Variants in ADGRV1 observed in about 807,000 individuals in gnomAD.
ADGRV1 encodes adhesion G protein-coupled receptor V1.
ADGRV1 carries 359 observed loss-of-function variants against 596.2 expected under a neutral mutation model. That is an observed-to-expected ratio of 0.60 (90% confidence interval 0.55 to 0.66). The LOEUF (loss-of-function observed/expected upper bound fraction) is 0.66, where lower values mean the gene tolerates loss of function less well. Among genes scored for constraint, ADGRV1 ranks in the 30% least tolerant of loss-of-function variants. The pLI, the probability that ADGRV1 is intolerant of heterozygous loss-of-function variation, is 0.00. For synonymous variants in ADGRV1, 2,681 were observed against 2,679.2 expected (o/e 1.00, Z -0.02); for missense variants, 7,274 against 7,575.6 (o/e 0.96, Z 1.48).
At chr5:91,031,612 A>T (rs1784488191) in intron 85 of ADGRV1, among the ~76,000 whole-genome samples, 1 of 152,164 alleles carries the variant, frequency 6.6e-6, no homozygotes, top group Admixed American at 6.5e-5. Flanking sequence ...TTTAGAAAAT[A>T]GTTTATAATC....
At position 90,810,817 on chromosome 5, in the gene ADGRV1, C is replaced by T; in HGVS notation, c.15557C>T (p.Ser5186Phe). ...ATTGTTACTGAGGCAACTGGTGTATCTGCCATCCCTGAGAAACTTGTCACC... is the reference window on the plus strand; with the variant it reads ...ATTGTTACTGAGGCAACTGGTGTATTTGCCATCCCTGAGAAACTTGTCACC... ...VAIVTEATGV[S>F]AIPEKLVTLH... is the part of the protein sequence containing the mutation. Residue 5186 changes from serine (S) to phenylalanine (F), a missense_variant, in exon 74 of 90, where the codon TCT (serine) becomes TTT (phenylalanine). Around this residue, in one of 5 missense-constraint regions of ADGRV1, gnomAD observed 1,874 missense variants for 1,970.2 expected, o/e 0.95. Transcript: ENST00000405460. The T allele has an allele frequency of 6.2e-7, 1 of 1,614,052 alleles. No homozygotes were observed. Among genetic ancestry groups the T allele is most frequent in the Non-Finnish European group, 8.5e-7 (1 of 1,179,902 alleles).
intron 83 of ADGRV1, among the ~76,000 whole-genome samples, chr5:90,930,435 A>G (rs1306241668): frequency 6.6e-6 from 1 of 152,248 alleles, no homozygotes; most frequent in Non-Finnish European, 1.5e-5. Flanking sequence ...TCTAAAATTC[A>G]TAACGACCAA....
intron 32 of ADGRV1, 105 bp downstream of exon 32, chr5:90,692,891 A>T (rs939757660): frequency 3.5e-5 from 28 of 793,058 alleles, no homozygotes; most frequent in African/African-American, 3.5e-4. Context: ...GGTTTTTTCT[A>T]TGCCATAAAT....
At chr5:90,951,744 A>G (rs1016875495) in intron 83 of ADGRV1, among the ~76,000 whole-genome samples, 3 of 152,190 alleles carry the variant, frequency 2.0e-5, no homozygotes, top group Admixed American at 1.3e-4. Flanking sequence ...TTCAACAACT[A>G]TATAGTAATT....
intron 85 of ADGRV1, among the ~76,000 whole-genome samples, chr5:91,048,187 A>G (rs1315302555): frequency 6.6e-6 from 1 of 152,246 alleles, no homozygotes; most frequent in Non-Finnish European, 1.5e-5. Flanking sequence ...TGGTACTGTC[A>G]TAAGTTGGCT....
At chr5:91,119,885 G>A (rs901752377) in intron 87 of ADGRV1, among the ~76,000 whole-genome samples, 1 of 152,200 alleles carries the variant, frequency 6.6e-6, no homozygotes, top group Non-Finnish European at 1.5e-5. Flanking sequence ...CAGAAGGACA[G>A]CAGAGACTGC....
intron 27 of ADGRV1, among the ~76,000 whole-genome samples, chr5:90,682,117 TG>T (rs1236386827): frequency 1.3e-5 from 2 of 152,126 alleles, no homozygotes; most frequent in Non-Finnish European, 2.9e-5. Context: ...CCACCCGCCT[TG>T]GCCTCTCAAA....
chr5:91,046,112 A>G (rs1785783138), intron 85 of ADGRV1, among the ~76,000 whole-genome samples: 1 of 152,140 alleles, frequency 6.6e-6, no homozygotes, highest in Admixed American at 6.6e-5. Flanking sequence ...CTATAAATTC[A>G]CCACAATTCC....
In ADGRV1 at chr5:90,829,079, G is replaced by C; in HGVS notation, c.16504G>C (p.Val5502Leu). Reference sequence around the variant, plus strand: ...ATCTCAAAGCCTTGTGTATTTTTCTGTGGGTTCTCGGCTGGCAGTGGCTCA... The same window carrying C: ...ATCTCAAAGCCTTGTGTATTTTTCTCTGGGTTCTCGGCTGGCAGTGGCTCA... Reference protein sequence around the residue: ...DESQSLVYFSVGSRLAVAHKK... With the variant: ...DESQSLVYFSLGSRLAVAHKK... The change falls in exon 77 of 90, where the codon GTG becomes CTG. Residue 5502 changes from valine (V) to leucine (L), a missense_variant. By Grantham distance (32) the Val-to-Leu change is conservative. Around this residue, in one of 5 missense-constraint regions of ADGRV1, gnomAD observed 1,874 missense variants for 1,970.2 expected, o/e 0.95. Coordinates refer to ENST00000405460, the MANE Select transcript of ADGRV1 (RefSeq NM_032119.4). 1 of 1,612,810 alleles carries C rather than the reference G, an allele frequency of 6.2e-7. No individual in the cohort carries two copies. The highest frequency in any genetic ancestry group is 2.2e-5 in the East Asian group (1 of 44,872).
intron 1 of ADGRV1, among the ~76,000 whole-genome samples, chr5:90,583,372 T>G (rs539115069): frequency 6.6e-6 from 1 of 152,278 alleles, no homozygotes; most frequent in South Asian, 2.1e-4. Context: ...CTAACATGAG[T>G]TTGAAAAAAA....
chr5:90,828,829 T>G, intron 76 of ADGRV1, 115 bp from the exon 77 acceptor site: 1 of 547,422 alleles, frequency 1.8e-6, no homozygotes, highest in East Asian at 3.2e-5. Context: ...TCTAGATTTA[T>G]ATATTTATTT....
At chr5:90,592,766 C>A (rs951173217) in intron 1 of ADGRV1, among the ~76,000 whole-genome samples, 6 of 152,122 alleles carry the variant, frequency 3.9e-5, no homozygotes, top group Admixed American at 3.9e-4. Flanking sequence ...AAACAAACAA[C>A]CCCATCAAAA....
intron 83 of ADGRV1, among the ~76,000 whole-genome samples, chr5:90,943,217 G>T (rs1013649576): frequency 1.6e-4 from 17 of 107,966 alleles, no homozygotes; most frequent in Non-Finnish European, 2.5e-4. Flanking sequence ...TAATTGCTCA[G>T]AAAATTGAAC....
chr5:90,627,143 T>C, intron 6 of ADGRV1, 68 bp from the exon 7 acceptor site: 1 of 825,762 alleles, frequency 1.2e-6, no homozygotes, highest in Non-Finnish European at 1.8e-6. Flanking sequence ...AATGACTTGT[T>C]ACACTTTAGT....
chr5:90,722,439 G>T (rs1014596442), intron 45 of ADGRV1, among the ~76,000 whole-genome samples: 1 of 151,206 alleles, frequency 6.6e-6, no homozygotes, highest in Non-Finnish European at 1.5e-5. Flanking sequence ...GGCCGGGCGC[G>T]GTGGTTCATG....
At chr5:91,025,754 A>G (rs1289165005) in intron 85 of ADGRV1, among the ~76,000 whole-genome samples, 1 of 152,172 alleles carries the variant, frequency 6.6e-6, no homozygotes, top group African/African-American at 2.4e-5. Flanking sequence ...CATTTATTCT[A>G]GTTACCTTCA....
At chr5:90,942,635 G>A (rs1034191359) in intron 83 of ADGRV1, among the ~76,000 whole-genome samples, 1 of 152,134 alleles carries the variant, frequency 6.6e-6, no homozygotes, top group African/African-American at 2.4e-5. Context: ...GGCAAAAGGG[G>A]TGGTAACAGG....
chr5:90,756,465 T>C lies in ADGRV1; in HGVS notation c.11592T>C (p.Pro3864=). The part of the protein sequence containing the change: ...AEVSILPDDL[P]ELEEGFIVTI... ...CCCCCATCCCCCAGGATGACCTTCC[T>C]GAATTGGAGGAAGGATTTATTGTCA... Residue 3864 remains proline, a synonymous_variant, in exon 56 of 90, where the codon CCT becomes CCC. Transcript: ENST00000405460. The C allele has an allele frequency of 6.6e-7, 1 of 1,519,462 alleles. No homozygotes were observed. The highest frequency in any genetic ancestry group is 8.8e-7 in the Non-Finnish European group (1 of 1,130,898). 94.1% of individuals were successfully genotyped at this position (1,519,462 alleles called of 1,614,324 possible).
At chr5:90,661,596 T>C (rs1169542615) in intron 21 of ADGRV1, among the ~76,000 whole-genome samples, 1 of 152,234 alleles carries the variant, frequency 6.6e-6, no homozygotes, top group Non-Finnish European at 1.5e-5. Context: ...TTATTTTTTC[T>C]AAGAAAATAG....
Sources: allele counts gnomAD v4.1 joint callset (sites outside exome capture counted in the v4.1 genomes callset), GRCh38; gene constraint gnomAD v4.1.1; regional missense constraint gnomAD v4.1.1; transcripts MANE v1.5; gene names NCBI Gene and HGNC (gene_info 2026-07-23, HGNC 2026-07-21).